CR1L: variants seen among roughly 807,000 people sequenced by gnomAD.
CR1L encodes complement component receptor 1-like protein.
In CR1L, 59 loss-of-function variants were observed where a neutral mutation model predicts 62.3. That is an observed-to-expected ratio of 0.95 (90% CI 0.77 to 1.18). The LOEUF (loss-of-function observed/expected upper bound fraction) is 1.18. Ranked by LOEUF, CR1L falls within the 50% of genes most tolerant of loss-of-function variation. The pLI is 0.00. For missense variants in CR1L, 700 were observed against 702.8 expected, an observed-to-expected ratio of 1.00 and a Z score of 0.04; for synonymous variants, 279 against 248.7, an observed-to-expected ratio of 1.12 and a Z score of -1.15.
Position 207,697,614 on chromosome 1 carries a change from G to A in CR1L, c.974G>A (p.Arg325Lys). ...FYSCEPGYDL[R>K]GSTYLHCTPQ... ...AGCTGTGAGCCCGGCTACGACCTCAGAGGATCTACGTATTTGCACTGCACA... is the reference window on the plus strand; with the variant it reads ...AGCTGTGAGCCCGGCTACGACCTCAAAGGATCTACGTATTTGCACTGCACA... The change falls in exon 6 of 12, where the codon AGA becomes AAA. Residue 325 changes from arginine (R) to lysine (K), a missense_variant. Arg to Lys is a conservative substitution (Grantham distance 26). Coordinates refer to ENST00000508064, the MANE Select transcript of CR1L (RefSeq NM_175710.2). 1.2e-6 allele frequency: 2 copies of A among 1,614,006 alleles called. No individual in the cohort carries two copies. The highest frequency in any genetic ancestry group is 1.7e-6 in the Non-Finnish European group (2 of 1,179,864).
chr1:207,677,715 C>T lies in CR1L; in HGVS notation c.277+147C>T, dbSNP rs539281770. 5.2e-5 allele frequency: 48 copies of T among 931,924 alleles called. No individual in the cohort carries two copies. The South Asian group carries it at 9.2e-4, about 18-fold the overall frequency. The allele number at this position is 931,924 out of a possible 1,614,324, so 57.7% of individuals were successfully genotyped here. A position where few individuals can be genotyped will look rare whatever the true frequency, so the allele number is the denominator to read the frequency against. On this transcript the variant is annotated intron_variant, in intron 2 of 11. Coordinates refer to ENST00000508064, the MANE Select transcript of CR1L (RefSeq NM_175710.2). Reference sequence around the variant, plus strand: ...TGAGAATTATTCTTGTAGATCATACCTTGTTACTGCTTTGAGTTCCTGGCA... The same window carrying T: ...TGAGAATTATTCTTGTAGATCATACTTTGTTACTGCTTTGAGTTCCTGGCA...
chr1:207,697,703 G>A lies in CR1L; in HGVS notation c.1039+24G>A, dbSNP rs1664126363. 6.8e-6 allele frequency: 11 copies of A among 1,613,756 alleles called. No homozygotes were observed. In the East Asian group the frequency reaches 8.9e-5, roughly 13 times the overall value. On this transcript the variant is annotated intron_variant, in intron 6 of 11. Transcript: ENST00000508064. ...AGGTGACTAGACTCTTATCTGGCTT[G>A]GTATTTTTAGCTTGCGTCTTTATTC...
intron 10 of CR1L, chr1:207,710,401 C>T: frequency 6.5e-7 from 1 of 1,528,680 alleles, no homozygotes; most frequent in Non-Finnish European, 9.1e-7. Context: ...GTGGGCTACC[C>T]CCCAACATCA....
At position 207,686,328 on chromosome 1, in the gene CR1L, TC is replaced by T. The variant is rs1333588426; in HGVS notation, c.463+2372del. 2.0e-5 allele frequency among the ~76,000 whole-genome samples: 3 copies of T among 151,734 alleles called. No individual in the cohort carries two copies. The East Asian group carries it at 5.9e-4, about 30-fold the overall frequency. ...TCTCAAAGGGAAGGATTAAAACATT[TC>T]ACCATTAACCTGGTGTTTACAGTAG... On this transcript the variant is annotated intron_variant, in intron 4 of 11. Coordinates refer to ENST00000508064, the MANE Select transcript of CR1L (RefSeq NM_175710.2).
At chr1:207,707,577 G>C (rs1664287056) in intron 9 of CR1L, among the ~76,000 whole-genome samples, 2 of 152,122 alleles carry the variant, frequency 1.3e-5, no homozygotes, top group Non-Finnish European at 2.9e-5. Context: ...GCAGTGAGCA[G>C]ATATTGCACC....
At chr1:207,689,556 T>C (rs796581027) in intron 4 of CR1L, among the ~76,000 whole-genome samples, 18 of 152,270 alleles carry the variant, frequency 1.2e-4, no homozygotes, top group African/African-American at 4.3e-4. Flanking sequence ...TCAAGAGATC[T>C]TTGGTTATAA....
intron 10 of CR1L, among the ~76,000 whole-genome samples, chr1:207,717,014 A>G (rs557554408): frequency 1.3e-5 from 2 of 152,216 alleles, no homozygotes; most frequent in Non-Finnish European, 2.9e-5. Flanking sequence ...TGAATCACCA[A>G]GAAACATTTA....
intron 1 of CR1L, chr1:207,669,658 C>T (rs1247763069): frequency 3.9e-6 from 3 of 766,280 alleles, no homozygotes; most frequent in Non-Finnish European, 6.0e-6. Context: ...CTGCGCTGCT[C>T]TGCGCGCCCG....
chr1:207,717,465 A>T lies in CR1L; in HGVS notation c.1416A>T (p.Gln472His). 1.2e-6 allele frequency: 2 copies of T among 1,612,662 alleles called. No individual in the cohort carries two copies. Among genetic ancestry groups the T allele is most frequent in the Non-Finnish European group, 1.7e-6 (2 of 1,179,226 alleles). ...TAAAAGCTCTTGTTTTCTTTCTAGA[A>T]ATCTTTTGTCCAAATCCTCCAGCTA... is the stretch of plus-strand genomic sequence containing the variant. ...HWSMKPPICQ[Q>H]IFCPNPPAIL... The change falls in exon 11 of 12, where the codon CAA becomes CAT. Residue 472 changes from glutamine (Q) to histidine (H), a missense_variant and splice_region_variant. Physicochemically the swap from Gln to His is conservative, Grantham distance 24. Transcript: ENST00000508064.
Position 207,697,542 on chromosome 1 carries a change from C to A in CR1L, c.902C>A (p.Thr301Asn). 6.2e-7 allele frequency: 1 copy of A among 1,613,778 alleles called. No individual in the cohort carries two copies. Residue 301 changes from threonine (T) to asparagine (N), a missense_variant, in exon 6 of 12, where the codon ACC (threonine) becomes AAC (asparagine). Thr to Asn is a moderately conservative substitution (Grantham distance 65). Coordinates refer to ENST00000508064, the MANE Select transcript of CR1L (RefSeq NM_175710.2). The part of the protein sequence containing the change: ...PPPDVLHAER[T>N]QRDKDNFSPG... ...CCAGATGTCCTGCATGCTGAGCGTACCCAAAGGGACAAGGACAACTTTTCA... is the reference window on the plus strand; with the variant it reads ...CCAGATGTCCTGCATGCTGAGCGTAACCAAAGGGACAAGGACAACTTTTCA...
chr1:207,700,701 C>T (rs1664176581), intron 8 of CR1L, among the ~76,000 whole-genome samples: 1 of 151,816 alleles, frequency 6.6e-6, no homozygotes, highest in Non-Finnish European at 1.5e-5. Flanking sequence ...AAGTTTTCAC[C>T]TATTTAAGAT....
chr1:207,667,780 G>A (rs1046760841), intron 1 of CR1L, among the ~76,000 whole-genome samples: 1 of 143,924 alleles, frequency 6.9e-6, no homozygotes, highest in Non-Finnish European at 1.5e-5. Context: ...TTTGACAAGG[G>A]GTTAATATCC....
At chr1:207,689,822 T>C (rs1166710313) in intron 4 of CR1L, among the ~76,000 whole-genome samples, 2 of 152,088 alleles carry the variant, frequency 1.3e-5, no homozygotes, top group African/African-American at 4.8e-5. Context: ...TTATATCGTA[T>C]TGAATTAGTT....
intron 1 of CR1L, chr1:207,657,395 T>C (rs1390973025): frequency 1.0e-5 from 7 of 669,884 alleles, no homozygotes; most frequent in Non-Finnish European, 5.4e-6. Context: ...TATCTACAAA[T>C]AAAGCAGGTG....
chr1:207,706,001 G>T, intron 9 of CR1L, among the ~76,000 whole-genome samples: 1 of 101,312 alleles, frequency 9.9e-6, no homozygotes, highest in African/African-American at 4.0e-5. Flanking sequence ...TCATATATAT[G>T]TGTGTGTGTA....
chr1:207,710,982 C>A (rs143401337), intron 10 of CR1L, among the ~76,000 whole-genome samples: 58 of 152,292 alleles, frequency 3.8e-4, no homozygotes, highest in Non-Finnish European at 5.7e-4. Context: ...AAAGCAAGAC[C>A]TTAATTAGCC....
At chr1:207,717,163 C>T (rs1371818394) in intron 10 of CR1L, among the ~76,000 whole-genome samples, 1 of 152,134 alleles carries the variant, frequency 6.6e-6, no homozygotes, top group Admixed American at 6.5e-5. Flanking sequence ...TTAAAGTAGA[C>T]AACCAAATGG....
chr1:207,717,504 A>G lies in CR1L; in HGVS notation c.1455A>G (p.Arg485=). The change falls in exon 11 of 12, where the codon AGA becomes AGG. Residue 485 remains arginine (R), a synonymous_variant. Transcript: ENST00000508064. The part of the protein sequence containing the change: ...CPNPPAILNG[R]HTGTPLGDIP... Reference sequence around the variant, plus strand: ...ATCCTCCAGCTATCCTTAATGGGAGACACACAGGAACTCCCCTTGGAGATA... The same window carrying G: ...ATCCTCCAGCTATCCTTAATGGGAGGCACACAGGAACTCCCCTTGGAGATA... 15 of 1,613,722 alleles carry G rather than the reference A, an allele frequency of 9.3e-6. No individual in the cohort carries two copies. The highest frequency in any genetic ancestry group is 1.3e-5 in the Non-Finnish European group (15 of 1,179,662).
chr1:207,701,413 C>G, intron 8 of CR1L, 106 bp from the exon 9 acceptor site: 1 of 1,420,122 alleles, frequency 7.0e-7, no homozygotes, highest in Non-Finnish European at 9.8e-7. Flanking sequence ...GTGGAACTAT[C>G]AGAACTGCGT....
Sources: allele counts gnomAD v4.1 joint callset (sites outside exome capture counted in the v4.1 genomes callset), GRCh38; gene constraint gnomAD v4.1.1; transcripts MANE v1.5; gene names NCBI Gene and HGNC (gene_info 2026-07-23, HGNC 2026-07-21).